LRCOL1: variants seen among roughly 807,000 people sequenced by gnomAD.
LRCOL1 encodes the protein leucine-rich colipase-like protein 1.
A neutral mutation model predicts 21.6 loss-of-function variants in LRCOL1; 21 were observed. The ratio of observed to expected loss-of-function variants is 0.97; its 90% CI spans 0.69 to 1.40. LRCOL1 has a LOEUF of 1.40. Ranked by LOEUF, LRCOL1 falls within the 40% of genes most tolerant of loss-of-function variation. The pLI, the probability that LRCOL1 is intolerant of heterozygous loss-of-function variation, is 0.00. For synonymous variants in LRCOL1, 98 were observed against 90.1 expected, an observed-to-expected ratio of 1.09 and a Z score of -0.49; for missense variants, 198 against 202.3, an observed-to-expected ratio of 0.98 and a Z score of 0.13.
At position 132,608,802 on chromosome 12, in the gene LRCOL1, G is replaced by A. The variant is rs754832599; in HGVS notation, c.-14+1521C>T. ...CAACTAGAACTTTTCTAAATTTCAA[G>A]CTTGCAGTATCTTTCCTGTACTTGG... is the stretch of plus-strand genomic sequence containing the variant. On this transcript the variant is annotated intron_variant, in intron 1 of 5. Transcript: ENST00000376608. 1.5e-3 allele frequency among the ~76,000 whole-genome samples: 223 copies of A among 152,292 alleles called. 2 individuals carry two copies. Among genetic ancestry groups the A allele is most frequent in the Non-Finnish European group, 2.6e-3 (179 of 68,018 alleles).
intron 5 of LRCOL1, 152 bp from the exon 6 acceptor site, chr12:132,603,556 C>G: frequency 1.0e-6 from 1 of 985,352 alleles, no homozygotes; most frequent in Non-Finnish European, 1.2e-6. Context: ...ACGCTCAGCT[C>G]GCGAGAGGGA....
Position 132,604,819 on chromosome 12 carries a change from G to C in LRCOL1, c.118C>G (p.Pro40Ala). ...LNLSHKGIGE[P>A]CRRHEECQSN... ...TGGCACTCCTCGTGTCTCCTGCATG[G>C]CTCCCCGATGCCCTGAAACACCACT... Residue 40 changes from proline (P) to alanine (A), a missense_variant, in exon 3 of 6, where the codon CCA (proline) becomes GCA (alanine). Transcript: ENST00000376608. 1 of 1,535,812 alleles carries C rather than the reference G, an allele frequency of 6.5e-7. No individual in the cohort carries two copies. Among genetic ancestry groups the C allele is most frequent in the Non-Finnish European group, 8.7e-7 (1 of 1,146,634 alleles).
intron 1 of LRCOL1, 134 bp downstream of exon 1, chr12:132,610,189 C>T (rs2041355291): frequency 6.6e-6 from 1 of 152,268 alleles, no homozygotes; most frequent in African/African-American, 2.4e-5. Flanking sequence ...CAGGGTCGAT[C>T]CTGGGCTCTG....
chr12:132,603,798 C>A, intron 5 of LRCOL1: 1 of 985,428 alleles, frequency 1.0e-6, no homozygotes, highest in Non-Finnish European at 1.2e-6. Flanking sequence ...CAGGGCTCAG[C>A]AGAGCGGGAG....
chr12:132,605,987 A>T, intron 2 of LRCOL1, 160 bp downstream of exon 2: 1 of 649,766 alleles, frequency 1.5e-6, no homozygotes, highest in Non-Finnish European at 2.6e-6. Flanking sequence ...AGCCTCAGGG[A>T]GGGTTTCATC....
chr12:132,603,821 A>C (rs540896402), intron 5 of LRCOL1: 2 of 985,294 alleles, frequency 2.0e-6, no homozygotes, highest in Non-Finnish European at 1.2e-6. Context: ...TGCACCGAGC[A>C]CGGCTTGTCC....
In LRCOL1 at chr12:132,604,741, T is replaced by A. The variant is rs1406149031; in HGVS notation, c.196A>T (p.Lys66Ter). The A allele has an allele frequency of 1.2e-5, 19 of 1,536,076 alleles. No homozygotes were observed. Among genetic ancestry groups the A allele is most frequent in the Non-Finnish European group, 1.7e-5 (19 of 1,146,912 alleles). ...GGCAGGCACTGCAGGAAGATGGTCT[T>A]AGGGGTGCAGAGCGTGTGTGGGGCC... is the stretch of plus-strand genomic sequence containing the variant. ...SLAPHTLCTP[K>*]TIFLQCLPWR... The change falls in exon 3 of 6, where the codon AAG (lysine) becomes TAG (stop). Residue 66 changes from lysine to a stop codon, truncating the protein, a stop_gained. Coordinates refer to ENST00000376608, the MANE Select transcript of LRCOL1 (RefSeq NM_001195520.2). LOFTEE classifies it high-confidence loss of function.
chr12:132,607,938 T>G (rs1306810094), intron 1 of LRCOL1, among the ~76,000 whole-genome samples: 2 of 151,438 alleles, frequency 1.3e-5, no homozygotes, highest in Admixed American at 1.3e-4. Flanking sequence ...TGTCTCTCCC[T>G]CTCTTTCTCT....
In LRCOL1 at chr12:132,603,415, A is replaced by AGCC. The variant is rs1308630580; in HGVS notation, c.478-14_478-12dup. 6 of 1,536,222 alleles carry AGCC rather than the reference A, an allele frequency of 3.9e-6. No individual in the cohort carries two copies. In the Middle Eastern group the frequency reaches 5.0e-4, roughly 128 times the overall value. On this transcript the variant is annotated splice_polypyrimidine_tract_variant and intron_variant, in intron 5 of 5. Coordinates refer to ENST00000376608, the MANE Select transcript of LRCOL1 (RefSeq NM_001195520.2). ...TTCGAGCTCACATCACTGAAGGAGA[A>AGCC]GCCAAAGCTGAGGAAACGTGCAGGG...
intron 1 of LRCOL1, among the ~76,000 whole-genome samples, chr12:132,608,302 C>A (rs1430850850): frequency 6.6e-6 from 1 of 152,224 alleles, no homozygotes; most frequent in Non-Finnish European, 1.5e-5. Flanking sequence ...CGCACCCACA[C>A]CTCTGCCTGC....
At position 132,604,838 on chromosome 12, in the gene LRCOL1, C is replaced by T. The variant is rs894565381; in HGVS notation, c.106-7G>A. The T allele has an allele frequency of 1.7e-5, 26 of 1,535,552 alleles. No homozygotes were observed. Among genetic ancestry groups the T allele is most frequent in the South Asian group, 3.6e-5 (3 of 84,020 alleles). Reference sequence around the variant, plus strand: ...TGCATGGCTCCCCGATGCCCTGAAACACCACTCACCAGCTCGCTCACCTGT... The same window carrying T: ...TGCATGGCTCCCCGATGCCCTGAAATACCACTCACCAGCTCGCTCACCTGT... On this transcript the variant is annotated splice_region_variant and splice_polypyrimidine_tract_variant and intron_variant, in intron 2 of 5. Transcript: ENST00000376608.
At chr12:132,609,676 A>G (rs1227054373) in intron 1 of LRCOL1, among the ~76,000 whole-genome samples, 1 of 152,188 alleles carries the variant, frequency 6.6e-6, no homozygotes, top group Non-Finnish European at 1.5e-5. Context: ...CAGCCTGGGC[A>G]ACAGAGTGAG....
chr12:132,603,690 C>T (rs2041257813), intron 5 of LRCOL1: 1 of 985,338 alleles, frequency 1.0e-6, no homozygotes, highest in Non-Finnish European at 1.2e-6. Flanking sequence ...GGTGCCACGA[C>T]CCTTTCACCC....
In LRCOL1 at chr12:132,604,805, G is replaced by C; in HGVS notation, c.132C>G (p.His44Gln). ...TACAGCAGTTGCTCTGGCACTCCTC[G>C]TGTCTCCTGCATGGCTCCCCGATGC... ...HKGIGEPCRR[H>Q]EECQSNCCTI... The change falls in exon 3 of 6, where the codon CAC becomes CAG. Residue 44 changes from histidine to glutamine, a missense_variant. Coordinates refer to ENST00000376608, the MANE Select transcript of LRCOL1 (RefSeq NM_001195520.2). 1 of 1,536,168 alleles carries C rather than the reference G, an allele frequency of 6.5e-7. No homozygotes were observed. Among genetic ancestry groups the C allele is most frequent in the South Asian group, 1.2e-5 (1 of 84,060 alleles).
chr12:132,607,862 TCTCTGTCTCTGTCTCTCC>T (rs1215058150), intron 1 of LRCOL1, among the ~76,000 whole-genome samples: 1 of 146,374 alleles, frequency 6.8e-6, no homozygotes, highest in African/African-American at 2.6e-5. Context: ...TCTCTCTGCC[TCTCTGTCTCTGTCTCTCC>T]CTCTGTCTCT....
chr12:132,603,948 AC>A, intron 5 of LRCOL1: 1 of 1,248,978 alleles, frequency 8.0e-7, no homozygotes, highest in Non-Finnish European at 1.0e-6. Context: ...AAGACGTCCA[AC>A]CCCAGCTCCC....
chr12:132,604,272 C>T lies in LRCOL1; in HGVS notation c.459G>A (p.Leu153=). ...PFRCIPRTGI[L]AQCLPL is the part of the protein sequence containing the mutation. ...GACTTACCAGGGGCAGGCACTGGGC[C>T]AGGATCCCGGTCCGGGGAATGCAGC... Residue 153 remains leucine (L), a synonymous_variant, in exon 5 of 6, where the codon CTG becomes CTA. Coordinates refer to ENST00000376608, the MANE Select transcript of LRCOL1 (RefSeq NM_001195520.2). The T allele has an allele frequency of 3.3e-6, 5 of 1,534,944 alleles. No homozygotes were observed. The highest frequency in any genetic ancestry group is 4.4e-6 in the Non-Finnish European group (5 of 1,146,480).
intron 1 of LRCOL1, among the ~76,000 whole-genome samples, chr12:132,609,298 GGGCC>G (rs1427594152): frequency 6.6e-6 from 1 of 152,216 alleles, no homozygotes; most frequent in Non-Finnish European, 1.5e-5. Context: ...GTGTTTGATG[GGGCC>G]GGTTGACATT....
chr12:132,606,316 C>G lies in LRCOL1; in HGVS notation c.-13-52G>C. 1.4e-6 allele frequency: 2 copies of G among 1,470,662 alleles called. No homozygotes were observed. Among genetic ancestry groups the G allele is most frequent in the Non-Finnish European group, 1.8e-6 (2 of 1,091,734 alleles). 91.1% of individuals were successfully genotyped at this position (1,470,662 alleles called of 1,614,324 possible). On this transcript the variant is annotated intron_variant, in intron 1 of 5. Coordinates refer to ENST00000376608, the MANE Select transcript of LRCOL1 (RefSeq NM_001195520.2). The surrounding 1 kb of genome is among the most constrained non-coding windows in gnomAD (Gnocchi z 4.6). The stretch of plus-strand genomic sequence containing the variant: ...GTGTGTCCACGCCAGCCTTGTCCTG[C>G]CTGGCACCTGGTGCTGGCCTCCCCA...
Sources: allele counts gnomAD v4.1 joint callset (sites outside exome capture counted in the v4.1 genomes callset), GRCh38; gene constraint gnomAD v4.1.1; non-coding constraint Gnocchi (gnomAD v3.1); transcripts MANE v1.5; gene names NCBI Gene and HGNC (gene_info 2026-07-23, HGNC 2026-07-21).